FLNB: variants seen among roughly 807,000 people sequenced by gnomAD.
FLNB encodes filamin B.
In FLNB, 111 loss-of-function variants were observed where a neutral mutation model predicts 250.6. The observed-to-expected ratio is 0.44, with a 90% CI of 0.38 to 0.52. The LOEUF (loss-of-function observed/expected upper bound fraction) is 0.52. Among genes scored for constraint, FLNB ranks in the 20% least tolerant of loss-of-function variants. The pLI is 0.00. For synonymous variants in FLNB, 1,302 were observed against 1,372.1 expected, an observed-to-expected ratio of 0.95 and a Z score of 1.13; for missense variants, 2,869 against 3,447.8, an observed-to-expected ratio of 0.83 and a Z score of 4.20.
Position 58,148,324 on chromosome 3 carries a change from C to A in FLNB, c.5847C>A (p.Asp1949Glu). The change falls in exon 35 of 46, where the codon GAC (aspartate) becomes GAA (glutamate). Residue 1949 changes from aspartate to glutamate, a missense_variant. By Grantham distance (45) the Asp-to-Glu change is conservative. Coordinates refer to ENST00000295956, the MANE Select transcript of FLNB (RefSeq NM_001457.4). The stretch of plus-strand genomic sequence containing the variant: ...GCATTAAGGCCCCATCTGGCCGAGA[C>A]GAGCCCTGTCTCCTGAAGAGGCTGC... Reference protein sequence around the residue: ...TASIKAPSGRDEPCLLKRLPN... With the variant: ...TASIKAPSGREEPCLLKRLPN... 1.2e-6 allele frequency: 2 copies of A among 1,614,016 alleles called. No homozygotes were observed. The highest frequency in any genetic ancestry group is 1.7e-6 in the Non-Finnish European group (2 of 1,179,998).
At chr3:58,126,991 G>A (rs1463021655) in intron 24 of FLNB, among the ~76,000 whole-genome samples, 2 of 152,200 alleles carry the variant, frequency 1.3e-5, no homozygotes, top group African/African-American at 4.8e-5. Flanking sequence ...TTGTGCGTGT[G>A]TTGGAGGACC....
chr3:58,140,384 C>T (rs965996325), intron 29 of FLNB, among the ~76,000 whole-genome samples: 3 of 152,224 alleles, frequency 2.0e-5, no homozygotes, highest in Non-Finnish European at 4.4e-5. Flanking sequence ...TATGTCCCTG[C>T]ATAGCTCCAA....
In FLNB at chr3:58,134,669, G is replaced by A; in HGVS notation, c.4568G>A (p.Ser1523Asn). 1.2e-6 allele frequency: 2 copies of A among 1,614,186 alleles called. No individual in the cohort carries two copies. Among genetic ancestry groups the A allele is most frequent in the Non-Finnish European group, 8.5e-7 (1 of 1,180,024 alleles). The change falls in exon 27 of 46, where the codon AGT becomes AAT. Residue 1523 changes from serine to asparagine, a missense_variant. Physicochemically the swap from Ser to Asn is conservative, Grantham distance 46. Transcript: ENST00000295956. ...PTYDASKVTA[S>N]GPGLSSYGVP... The stretch of plus-strand genomic sequence containing the variant: ...TATGATGCCAGCAAAGTGACTGCCA[G>A]TGGCCCCGGCCTTAGTTCCTATGGT...
chr3:58,141,998 T>C, intron 30 of FLNB, 69 bp downstream of exon 30: 2 of 1,380,152 alleles, frequency 1.4e-6, no homozygotes, highest in African/African-American at 2.8e-5. Context: ...AAATCTGCCA[T>C]CTGCTTCTGG....
rs752183022 is a variant in FLNB, at chr3:58,163,274, C to T, written c.7142C>T (p.Ala2381Val). The change falls in exon 43 of 46, where the codon GCG becomes GTG. Residue 2381 changes from alanine to valine, a missense_variant. Around this residue, in one of 5 missense-constraint regions of FLNB, gnomAD observed 1,084 missense variants for 1,315.5 expected, o/e 0.82. Coordinates refer to ENST00000295956, the MANE Select transcript of FLNB (RefSeq NM_001457.4). ...FKVRVGEPGQ[A>V]GNPALVSAYG... ...GTGCGCGTTGGGGAGCCTGGACAAG[C>T]GGGGAACCCTGCCCTGGTGTCCGCC... is the stretch of plus-strand genomic sequence containing the variant. The T allele has an allele frequency of 4.3e-6, 7 of 1,614,078 alleles. No homozygotes were observed. The highest frequency in any genetic ancestry group is 1.7e-6 in the Non-Finnish European group (2 of 1,180,036).
At position 58,159,537 on chromosome 3, in the gene FLNB, A is replaced by T. The variant is rs775535742; in HGVS notation, c.6889-17A>T. 1 of 1,613,934 alleles carries T rather than the reference A, an allele frequency of 6.2e-7. No homozygotes were observed. Among genetic ancestry groups the T allele is most frequent in the South Asian group, 1.1e-5 (1 of 91,078 alleles). On this transcript the variant is annotated splice_polypyrimidine_tract_variant and intron_variant, in intron 41 of 45. Transcript: ENST00000295956. The stretch of plus-strand genomic sequence containing the variant: ...AACGCCGAGGGCCATAACCTGTCTG[A>T]TGTATTAAATTCTCAGGAATCGGGA...
intron 1 of FLNB, among the ~76,000 whole-genome samples, chr3:58,028,833 C>G (rs530659280): frequency 1.3e-5 from 2 of 151,796 alleles, no homozygotes; most frequent in East Asian, 4.0e-4. Flanking sequence ...TCAGGCTGGT[C>G]TTGAACTCCT....
rs531856025 is a variant in FLNB, at chr3:58,111,938, G to A, written c.2575+57G>A. On this transcript the variant is annotated intron_variant, in intron 17 of 45. Coordinates refer to ENST00000295956, the MANE Select transcript of FLNB (RefSeq NM_001457.4). ...CCTCTGCCAGCCGGTGGCACTGGGC[G>A]TGTTTCATCCACGGCCTTGAGGAAC... The A allele has an allele frequency of 5.1e-5, 73 of 1,426,436 alleles. No homozygotes were observed. In the Admixed American group the frequency reaches 7.9e-4, roughly 15 times the overall value. The allele number at this position is 1,426,436 out of a possible 1,614,324, so 88.4% of individuals were successfully genotyped here.
intron 1 of FLNB, among the ~76,000 whole-genome samples, chr3:58,060,069 G>C (rs943228512): frequency 6.6e-6 from 1 of 152,210 alleles, no homozygotes; most frequent in Admixed American, 6.5e-5. Flanking sequence ...GATTCAGGGG[G>C]GTAACTGCAC....
chr3:58,082,830 C>G (rs2097211169), intron 4 of FLNB, among the ~76,000 whole-genome samples: 1 of 151,968 alleles, frequency 6.6e-6, no homozygotes, highest in African/African-American at 2.4e-5. Flanking sequence ...GTTATACACA[C>G]AGTATTCTGT....
Position 58,097,819 on chromosome 3 carries a change from C to T in FLNB, c.989C>T (p.Thr330Ile). ...LPKVTGLHKV[T>I]VLFAGQHISK... The stretch of plus-strand genomic sequence containing the variant: ...TCACCTATCTGTCACCTATAGGTCA[C>T]AGTCCTCTTTGCAGGACAGCACATC... The change falls in exon 7 of 46, where the codon ACA becomes ATA. Residue 330 changes from threonine to isoleucine, a missense_variant. By Grantham distance (89) the Thr-to-Ile change is moderately conservative (BLOSUM62 -1). Transcript: ENST00000295956. 6.2e-7 allele frequency: 1 copy of T among 1,614,008 alleles called. No homozygotes were observed.
chr3:58,099,467 TC>T (rs765887926), intron 8 of FLNB, among the ~76,000 whole-genome samples: 14 of 152,206 alleles, frequency 9.2e-5, no homozygotes, highest in Admixed American at 2.6e-4. Context: ...TCTGCTAAAC[TC>T]CCTCTGGCGC....
intron 1 of FLNB, among the ~76,000 whole-genome samples, chr3:58,037,947 A>G (rs1304356524): frequency 6.6e-6 from 1 of 152,254 alleles, no homozygotes; most frequent in Non-Finnish European, 1.5e-5. Flanking sequence ...AATAAAATCA[A>G]TGAAAACAAC....
chr3:58,158,535 C>T lies in FLNB; in HGVS notation c.6889-1019C>T, dbSNP rs1003802713. On this transcript the variant is annotated intron_variant, in intron 41 of 45. Transcript: ENST00000295956. Reference sequence around the variant, plus strand: ...TTTAATAAGATCCCCAGATGGTTTGCTTACACATTAAGTGTGAGCCATGCT... The same window carrying T: ...TTTAATAAGATCCCCAGATGGTTTGTTTACACATTAAGTGTGAGCCATGCT... 2.0e-5 allele frequency among the ~76,000 whole-genome samples: 3 copies of T among 152,206 alleles called. No individual in the cohort carries two copies. The East Asian group carries it at 5.8e-4, about 29-fold the overall frequency.
intron 1 of FLNB, among the ~76,000 whole-genome samples, chr3:58,024,926 TG>T (rs997054038): frequency 2.7e-5 from 4 of 150,730 alleles, no homozygotes; most frequent in African/African-American, 9.7e-5. Flanking sequence ...TTGGCCAGGA[TG>T]GTCTCAATCT....
chr3:58,017,545 G>A (rs575591024), intron 1 of FLNB, among the ~76,000 whole-genome samples: 3 of 152,256 alleles, frequency 2.0e-5, no homozygotes, highest in South Asian at 2.1e-4. Flanking sequence ...GAGCCATCGC[G>A]CCTGGCCAGT....
chr3:58,153,169 C>T (rs915926171), intron 38 of FLNB, among the ~76,000 whole-genome samples: 1 of 152,222 alleles, frequency 6.6e-6, no homozygotes, highest in African/African-American at 2.4e-5. Flanking sequence ...CTCAGTGCCC[C>T]CAGCATGGGT....
At position 58,159,656 on chromosome 3, in the gene FLNB, G is replaced by C; in HGVS notation, c.6991G>C (p.Glu2331Gln). 6.2e-7 allele frequency: 1 copy of C among 1,613,950 alleles called. No individual in the cohort carries two copies. Among genetic ancestry groups the C allele is most frequent in the Non-Finnish European group, 8.5e-7 (1 of 1,180,040 alleles). Residue 2331 changes from glutamate (E) to glutamine (Q), a missense_variant, in exon 42 of 46, where the codon GAG becomes CAG. Physicochemically the swap from Glu to Gln is conservative, Grantham distance 29. This residue lies in a region of FLNB where 1,084 missense variants were observed against 1,315.5 expected (regional missense o/e 0.82). Coordinates refer to ENST00000295956, the MANE Select transcript of FLNB (RefSeq NM_001457.4). ...GGTGCACAGCCCCTCTGGAGCCGTGGAGGAGTGCCACGTGTCTGAGCTGGA... is the reference window on the plus strand; with the variant it reads ...GGTGCACAGCCCCTCTGGAGCCGTGCAGGAGTGCCACGTGTCTGAGCTGGA... ...AKVHSPSGAV[E>Q]ECHVSELEPD...
At position 58,090,139 on chromosome 3, in the gene FLNB, C is replaced by T. The variant is rs868757740; in HGVS notation, c.788-4697C>T. Among the ~76,000 whole-genome samples the T allele has an allele frequency of 3.6e-3, 466 of 129,000 alleles. 1 individual carries two copies. The highest frequency in any genetic ancestry group is 0.014 in the African/African-American group (444 of 32,442). The allele number at this position is 129,000 out of a possible 152,430, so 84.6% of individuals were successfully genotyped here. A position where few individuals can be genotyped will look rare whatever the true frequency, so the allele number is the denominator to read the frequency against. ...GTGTTTAAAACTTTTCATTTTTGTACTTTTAAAACTTTTTTTTTTTTTTAA... is the reference window on the plus strand; with the variant it reads ...GTGTTTAAAACTTTTCATTTTTGTATTTTTAAAACTTTTTTTTTTTTTTAA... On this transcript the variant is annotated intron_variant, in intron 4 of 45. Transcript: ENST00000295956.
Sources: allele counts gnomAD v4.1 joint callset (sites outside exome capture counted in the v4.1 genomes callset), GRCh38; gene constraint gnomAD v4.1.1; regional missense constraint gnomAD v4.1.1; transcripts MANE v1.5; gene names NCBI Gene and HGNC (gene_info 2026-07-23, HGNC 2026-07-21).